The following ASCC3 variants were observed in gnomAD, a reference collection of about 807,000 sequenced individuals.
ASCC3 encodes activating signal cointegrator 1 complex subunit 3.
A neutral mutation model predicts 256.3 loss-of-function variants in ASCC3; 158 were observed. The observed-to-expected ratio is 0.62, with a 90% CI of 0.54 to 0.70. The LOEUF is 0.70. Among genes scored for constraint, ASCC3 ranks in the 30% least tolerant of loss-of-function variants. The pLI is 0.00. For missense variants in ASCC3, 2,259 were observed against 2,626.0 expected, an observed-to-expected ratio of 0.86 and a Z score of 3.05; for synonymous variants, 948 against 883.4, an observed-to-expected ratio of 1.07 and a Z score of -1.30.
chr6:100,556,380 A>G (rs1769574195), intron 36 of ASCC3, among the ~76,000 whole-genome samples: 1 of 152,218 alleles, frequency 6.6e-6, no homozygotes, highest in Admixed American at 6.5e-5. Context: ...AAAAGGTAAT[A>G]ATCACTGAGG....
rs1433112377 is a variant in ASCC3 at position 100,589,658 on chromosome 6, A to G, written c.5526T>C (p.Thr1842=). ...CACTTAGAATTGAAAGCAGTTCTTCAGTACTGCATTCAGGCTTCAAGCGGT... is the reference window on the plus strand; with the variant it reads ...CACTTAGAATTGAAAGCAGTTCTTCGGTACTGCATTCAGGCTTCAAGCGGT... ...FKDRLKPECS[T]EELLSILSDA... The change falls in exon 36 of 42, where the codon ACT becomes ACC. Residue 1842 remains threonine, a synonymous_variant. Coordinates refer to ENST00000369162, the MANE Select transcript of ASCC3 (RefSeq NM_006828.4). 14 of 1,613,686 alleles carry G rather than the reference A, an allele frequency of 8.7e-6. No homozygotes were observed. Among genetic ancestry groups the G allele is most frequent in the Middle Eastern group, 1.7e-4 (1 of 6,052 alleles).
chr6:100,781,373 GT>G (rs1164901335), intron 8 of ASCC3, among the ~76,000 whole-genome samples: 1 of 151,868 alleles, frequency 6.6e-6, no homozygotes, highest in Non-Finnish European at 1.5e-5. Flanking sequence ...TGGTACACTT[GT>G]TTTTTTGTTT....
At chr6:100,762,276 G>A (rs539357231) in intron 10 of ASCC3, among the ~76,000 whole-genome samples, 1 of 16,782 alleles carries the variant, frequency 6.0e-5, no homozygotes, top group African/African-American at 8.2e-5. Flanking sequence ...TATAAAAGAA[G>A]AGAACAATTC....
chr6:100,769,395 T>C (rs943564508), intron 8 of ASCC3, among the ~76,000 whole-genome samples: 1 of 151,958 alleles, frequency 6.6e-6, no homozygotes, highest in Non-Finnish European at 1.5e-5. Context: ...AAATAATAAA[T>C]ACTTAAAGTG....
At chr6:100,872,531 C>T (rs1455754519) in intron 1 of ASCC3, among the ~76,000 whole-genome samples, 1 of 151,716 alleles carries the variant, frequency 6.6e-6, no homozygotes, top group Non-Finnish European at 1.5e-5. Context: ...TGACAGAGCA[C>T]CGTGTGGAGT....
At chr6:100,872,471 G>C (rs997335602) in intron 1 of ASCC3, among the ~76,000 whole-genome samples, 1 of 128,208 alleles carries the variant, frequency 7.8e-6, no homozygotes, top group South Asian at 2.6e-4. Flanking sequence ...AAAAGGGTCG[G>C]GGGGGGATCA....
At chr6:100,725,455 C>A (rs1779575754) in intron 11 of ASCC3, 84 bp downstream of exon 11, 1 of 1,373,606 alleles carries the variant, frequency 7.3e-7, no homozygotes, top group Non-Finnish European at 1.0e-6. Flanking sequence ...CTTTGTAACA[C>A]AGGTCTACAG....
chr6:100,745,047 G>A (rs1582797973), intron 10 of ASCC3, among the ~76,000 whole-genome samples: 1 of 152,174 alleles, frequency 6.6e-6, no homozygotes, highest in Non-Finnish European at 1.5e-5. Flanking sequence ...AGGAAAAGTG[G>A]GCCAGGTGCG....
At chr6:100,519,959 C>T (rs1562089565) in intron 37 of ASCC3, among the ~76,000 whole-genome samples, 1 of 152,032 alleles carries the variant, frequency 6.6e-6, no homozygotes, top group African/African-American at 2.4e-5. Context: ...AGAGAAAAGG[C>T]AAGTGGGGAG....
intron 30 of ASCC3, among the ~76,000 whole-genome samples, chr6:100,608,411 AC>A (rs1773122312): frequency 4.5e-5 from 3 of 66,988 alleles, no homozygotes; most frequent in Non-Finnish European, 7.4e-5. Flanking sequence ...ATATATATAT[AC>A]CTTATATATA....
At chr6:100,516,443 T>C in intron 38 of ASCC3, 116 bp from the exon 39 acceptor site, 1 of 1,276,380 alleles carries the variant, frequency 7.8e-7, no homozygotes. Context: ...AATAACATTT[T>C]AAGACCATTA....
chr6:100,630,438 T>C (rs894071844), intron 26 of ASCC3, among the ~76,000 whole-genome samples: 1 of 151,654 alleles, frequency 6.6e-6, no homozygotes, highest in South Asian at 2.1e-4. Context: ...ATATTCTTTA[T>C]CATTTTGAAA....
chr6:100,534,315 A>AAAT (rs1775061927), intron 37 of ASCC3, among the ~76,000 whole-genome samples: 1 of 152,216 alleles, frequency 6.6e-6, no homozygotes, highest in Non-Finnish European at 1.5e-5. Context: ...GCAGAGAGGT[A>AAAT]CTCAAAACAC....
chr6:100,722,148 T>C (rs1438021920), intron 11 of ASCC3, among the ~76,000 whole-genome samples: 1 of 151,884 alleles, frequency 6.6e-6, no homozygotes, highest in Non-Finnish European at 1.5e-5. Flanking sequence ...GTTGTAGGTA[T>C]GTGGCTTTAT....
intron 4 of ASCC3, among the ~76,000 whole-genome samples, chr6:100,822,908 CT>C (rs965836283): frequency 6.6e-6 from 1 of 152,112 alleles, no homozygotes; most frequent in Non-Finnish European, 1.5e-5. Flanking sequence ...ATGATAAGTT[CT>C]AGTTAGAAAT....
intron 10 of ASCC3, among the ~76,000 whole-genome samples, chr6:100,743,001 G>T (rs2115074499): frequency 6.6e-6 from 1 of 152,310 alleles, no homozygotes. Flanking sequence ...AAAAGTCCTG[G>T]GTTTCTGTGT....
chr6:100,631,536 A>G (rs1405077899), intron 25 of ASCC3, among the ~76,000 whole-genome samples: 1 of 151,934 alleles, frequency 6.6e-6, no homozygotes, highest in Admixed American at 6.6e-5. Context: ...TCTACATAAT[A>G]AAAACAAAAC....
intron 13 of ASCC3, 72 bp downstream of exon 13, chr6:100,715,390 T>A (rs766043364): frequency 2.8e-5 from 38 of 1,346,076 alleles, no homozygotes; most frequent in Non-Finnish European, 2.1e-6. Flanking sequence ...AGCGTAAATA[T>A]TAATAATTTT....
chr6:100,516,823 G>A (rs1166011452), intron 38 of ASCC3, among the ~76,000 whole-genome samples: 1 of 152,064 alleles, frequency 6.6e-6, no homozygotes, highest in African/African-American at 2.4e-5. Flanking sequence ...TTTCCAGTAA[G>A]AAGAAAAATA....
Sources: gnomAD v4.1 joint callset for allele counts (sites outside exome capture counted in the v4.1 genomes callset) on GRCh38, gnomAD v4.1.1 for gene constraint, MANE v1.5 for transcripts, NCBI Gene and HGNC (gene_info 2026-07-23, HGNC 2026-07-21) for gene names.